CCR5AS: variants seen among roughly 807,000 people sequenced by gnomAD.
The protein encoded by CCR5AS is CCR5 antisense RNA.
chr3:46,369,705 G>T (rs530424450), intron 3 of CCR5AS, among the ~76,000 whole-genome samples: 1 of 152,284 alleles, frequency 6.6e-6, no homozygotes, highest in Admixed American at 6.5e-5. Flanking sequence ...GCTAGATGCT[G>T]GCCGTGGATG....
chr3:46,375,284 T>C (rs1208302078), intron 2 of CCR5AS: 2 of 167,002 alleles, frequency 1.2e-5, no homozygotes, highest in Non-Finnish European at 2.9e-5. Flanking sequence ...TCTAGGAACA[T>C]ACTTCAGCTC....
intron 2 of CCR5AS, among the ~76,000 whole-genome samples, chr3:46,384,928 C>T (rs976726994): frequency 2.2e-4 from 34 of 151,916 alleles, no homozygotes; most frequent in African/African-American, 8.2e-4. Context: ...CAGACAGACA[C>T]TGGTGTGAGT....
chr3:46,370,812 T>G (rs991281126), intron 3 of CCR5AS: 2 of 152,220 alleles, frequency 1.3e-5, no homozygotes, highest in African/African-American at 4.8e-5. Context: ...AAGCTCAACT[T>G]AAAAAGAAGA....
chr3:46,394,054 C>T (rs1575286613), intron 1 of CCR5AS, among the ~76,000 whole-genome samples: 1 of 152,218 alleles, frequency 6.6e-6, no homozygotes, highest in South Asian at 2.1e-4. Flanking sequence ...TCTCCCACCC[C>T]ACAGTTACTA....
chr3:46,364,060 G>A (rs2106732294), downstream of CCR5AS, among the ~76,000 whole-genome samples: 1 of 152,382 alleles, frequency 6.6e-6, no homozygotes, highest in African/African-American at 2.4e-5. Context: ...TGCAAAGGGA[G>A]AAGCTGTGGC....
chr3:46,390,501 G>A (rs2106770138), intron 2 of CCR5AS, among the ~76,000 whole-genome samples: 1 of 152,282 alleles, frequency 6.6e-6, no homozygotes, highest in South Asian at 2.1e-4. Flanking sequence ...AAAGCCTGCT[G>A]TGGGATGGGA....
At chr3:46,380,093 A>G (rs1179430399) in intron 2 of CCR5AS, among the ~76,000 whole-genome samples, 1 of 152,012 alleles carries the variant, frequency 6.6e-6, no homozygotes, top group African/African-American at 2.4e-5. Context: ...AAGTTGAAAA[A>G]GTGGCCTAAA....
intron 1 of CCR5AS, among the ~76,000 whole-genome samples, chr3:46,398,292 C>T (rs887088081): frequency 3.3e-5 from 5 of 152,108 alleles, no homozygotes; most frequent in Non-Finnish European, 7.3e-5. Flanking sequence ...GAAAGGAGTG[C>T]TCCCACTTCA....
chr3:46,365,755 T>C (rs1368377259), intron 3 of CCR5AS, among the ~76,000 whole-genome samples: 1 of 152,158 alleles, frequency 6.6e-6, no homozygotes, highest in Non-Finnish European at 1.5e-5. Flanking sequence ...AACCCACCAT[T>C]TTCTGGGTGC....
At chr3:46,394,326 G>A (rs1345029905) in intron 1 of CCR5AS, among the ~76,000 whole-genome samples, 1 of 152,162 alleles carries the variant, frequency 6.6e-6, no homozygotes, top group Non-Finnish European at 1.5e-5. Context: ...ATCAAGGAGG[G>A]CTCTGGGGCA....
intron 3 of CCR5AS, among the ~76,000 whole-genome samples, chr3:46,365,477 A>G (rs953383681): frequency 3.9e-5 from 6 of 152,256 alleles, no homozygotes; most frequent in African/African-American, 1.4e-4. Flanking sequence ...AGTATAGGAT[A>G]AACACAACTT....
rs76436340 is a variant in CCR5AS at position 46,369,040 on chromosome 3, T to A, written n.565+2204A>T. Among the ~76,000 whole-genome samples the A allele has an allele frequency of 8.5e-4, 130 of 152,374 alleles. 1 individual carries two copies. The highest frequency in any genetic ancestry group is 6.8e-3 in the Middle Eastern group (2 of 294). On this transcript the variant is annotated intron_variant and non_coding_transcript_variant, in intron 3 of 3. Transcript: ENST00000451485. ...GCTATCTATTTTCTATAAAATTTTA[T>A]ATTAATTTATTTGTTACCTATTTTT...
intron 2 of CCR5AS, among the ~76,000 whole-genome samples, chr3:46,388,020 G>C (rs112550266): frequency 0.057 from 8,644 of 152,108 alleles, 808 homozygotes; most frequent in African/African-American, 0.2. Flanking sequence ...GCAGGAACTG[G>C]GTATTTTCAC....
intron 2 of CCR5AS, chr3:46,376,327 T>C (rs779659274): frequency 6.6e-6 from 1 of 152,348 alleles, no homozygotes; most frequent in Non-Finnish European, 1.5e-5. Context: ...GTGTGATGTA[T>C]ACAAAGAGAG....
chr3:46,390,183 CAG>C (rs1447331148), intron 2 of CCR5AS, among the ~76,000 whole-genome samples: 1 of 152,018 alleles, frequency 6.6e-6, no homozygotes, highest in Non-Finnish European at 1.5e-5. Flanking sequence ...TGGTGGGTGT[CAG>C]AGTCAGTCCA....
intron 1 of CCR5AS, among the ~76,000 whole-genome samples, chr3:46,393,679 T>G (rs2106773153): frequency 6.6e-6 from 1 of 152,190 alleles, no homozygotes. Flanking sequence ...AGGAATGAGG[T>G]AAGAGTATGC....
intron 2 of CCR5AS, among the ~76,000 whole-genome samples, chr3:46,381,289 C>T (rs375506040): frequency 2.0e-5 from 3 of 152,176 alleles, no homozygotes; most frequent in East Asian, 3.8e-4. Flanking sequence ...CCCCCATTTC[C>T]TTATCCCTGC....
intron 2 of CCR5AS, chr3:46,373,562 T>C: frequency 6.2e-7 from 1 of 1,613,064 alleles, no homozygotes. Context: ...TCCTAAAAAC[T>C]CTGCTTCGGT....
intron 2 of CCR5AS, among the ~76,000 whole-genome samples, chr3:46,371,719 T>C (rs571452708): frequency 1.3e-5 from 2 of 152,268 alleles, no homozygotes; most frequent in East Asian, 3.9e-4. Flanking sequence ...ACGAAACATT[T>C]TTTATTATAT....
Sources: allele counts gnomAD v4.1 joint callset (sites outside exome capture counted in the v4.1 genomes callset), GRCh38; gene constraint gnomAD v4.1.1; transcripts MANE v1.5; gene names NCBI Gene and HGNC (gene_info 2026-07-23, HGNC 2026-07-21).